Variants in LRRC74B observed in about 807,000 individuals in gnomAD.
LRRC74B encodes the protein leucine-rich repeat-containing protein 74B.
A neutral mutation model predicts 16.6 loss-of-function variants in LRRC74B; 30 were observed. The observed-to-expected ratio is 1.80, with a 90% CI of 1.35 to 2.45. The LOEUF is 2.45. Among genes scored for constraint, LRRC74B ranks in the 30% most tolerant of loss-of-function variants. LRRC74B has a pLI of 0.00. For synonymous variants in LRRC74B, 134 were observed against 86.0 expected, an observed-to-expected ratio of 1.56 and a Z score of -3.09; for missense variants, 326 against 202.4, an observed-to-expected ratio of 1.61 and a Z score of -3.71.
chr22:21,052,397 G>A (rs574477707), intron 5 of LRRC74B, 39 bp downstream of exon 5: 1 of 716,026 alleles, frequency 1.4e-6, no homozygotes, highest in Non-Finnish European at 2.6e-6. Flanking sequence ...CAGCCTGTCT[G>A]CTGGGGCCTG....
intron 6 of LRRC74B, 189 bp downstream of exon 6, chr22:21,053,664 C>T: frequency 5.8e-6 from 3 of 517,812 alleles, no homozygotes; most frequent in Non-Finnish European, 1.0e-5. Context: ...TGCTTTATTG[C>T]CCAGGGTAGA....
At chr22:21,054,831 G>T (rs1464885782) in intron 6 of LRRC74B, among the ~76,000 whole-genome samples, 1 of 152,220 alleles carries the variant, frequency 6.6e-6, no homozygotes, top group Non-Finnish European at 1.5e-5. Context: ...GAATATGTGG[G>T]AGCACTTGCA....
intron 7 of LRRC74B, among the ~76,000 whole-genome samples, 196 bp downstream of exon 7, chr22:21,055,372 ATCT>A (rs1313306442): frequency 1.5e-4 from 23 of 151,884 alleles, no homozygotes; most frequent in African/African-American, 5.1e-4. Flanking sequence ...TCTCTCCCAC[ATCT>A]TCTTGCTGCC....
exon 1 of LRRC74B, chr22:21,046,035 G>C: frequency 1.4e-6 from 1 of 717,524 alleles, no homozygotes. Context: ...GCAGAAAGAA[G>C]AGGCTATGGT....
intron 6 of LRRC74B, among the ~76,000 whole-genome samples, chr22:21,054,273 A>G (rs1255269908): frequency 6.6e-6 from 1 of 152,214 alleles, no homozygotes; most frequent in African/African-American, 2.4e-5. Flanking sequence ...TTCAGGCTGC[A>G]TTGCAACAGA....
chr22:21,052,383 C>T, intron 5 of LRRC74B, 25 bp downstream of exon 5: 1 of 717,002 alleles, frequency 1.4e-6, no homozygotes, highest in Middle Eastern at 2.4e-4. Flanking sequence ...CCTAGTCGGC[C>T]CTACAGCCTG....
intron 7 of LRRC74B, among the ~76,000 whole-genome samples, chr22:21,056,002 T>C (rs1356947376): frequency 6.6e-6 from 1 of 152,044 alleles, no homozygotes; most frequent in Non-Finnish European, 1.5e-5. Flanking sequence ...TGCCCCTCCC[T>C]TTTCCACACC....
At chr22:21,060,618 T>C (rs1930765786), downstream of LRRC74B, 2 of 630,352 alleles carry the variant, frequency 3.2e-6, no homozygotes, top group East Asian at 2.7e-5. Flanking sequence ...TTACCACTTG[T>C]GTCTGCACTG....
chr22:21,046,961 T>G (rs530433640), intron 1 of LRRC74B, among the ~76,000 whole-genome samples: 1 of 151,278 alleles, frequency 6.6e-6, no homozygotes, highest in East Asian at 2.0e-4. Context: ...AGTGTGGTGG[T>G]GGGCGCCTGT....
At chr22:21,055,881 T>A (rs1290217628) in intron 7 of LRRC74B, among the ~76,000 whole-genome samples, 1 of 152,104 alleles carries the variant, frequency 6.6e-6, no homozygotes, top group African/African-American at 2.4e-5. Context: ...CAAAGACACG[T>A]GGGAATGTGA....
chr22:21,060,205 C>G (rs1482053099), intron 8 of LRRC74B, among the ~76,000 whole-genome samples, 168 bp from the exon 9 acceptor site: 1 of 152,024 alleles, frequency 6.6e-6, no homozygotes. Context: ...AAACATCCCC[C>G]ATTGTCCCCT....
intron 8 of LRRC74B, among the ~76,000 whole-genome samples, chr22:21,060,086 C>A (rs1350435523): frequency 6.6e-6 from 1 of 152,100 alleles, no homozygotes. Context: ...GGATAGATAG[C>A]TTGAGTCCAG....
intron 3 of LRRC74B, 181 bp downstream of exon 3, chr22:21,048,197 G>C: frequency 1.7e-6 from 1 of 596,086 alleles, no homozygotes; most frequent in Non-Finnish European, 3.0e-6. Flanking sequence ...CTGTGCAGCC[G>C]ATGCCTGATA....
At chr22:21,051,416 G>GC (rs1171090332) in intron 4 of LRRC74B, among the ~76,000 whole-genome samples, 8 of 152,118 alleles carry the variant, frequency 5.3e-5, no homozygotes, top group Non-Finnish European at 8.8e-5. Flanking sequence ...AAATCCTTCT[G>GC]CCTCAGCCTC....
At chr22:21,052,966 A>G (rs1244078267) in intron 5 of LRRC74B, among the ~76,000 whole-genome samples, 5 of 152,156 alleles carry the variant, frequency 3.3e-5, no homozygotes, top group Admixed American at 2.0e-4. Flanking sequence ...TCCCCATCAC[A>G]GTACGCTGGA....
exon 2 of LRRC74B, chr22:21,047,392 T>C (rs1020776862): frequency 4.2e-6 from 3 of 717,332 alleles, no homozygotes; most frequent in Non-Finnish European, 5.2e-6. Context: ...AGGGACACAC[T>C]GTACCTGAGG....
rs9625439 is a variant in LRRC74B, at chr22:21,058,534, A to C, written c.1023+1334A>C. On this transcript the variant is annotated intron_variant, in intron 8 of 8. Transcript: ENST00000442047. ...GTCTCAAAAAAAAAGGGAAGGAAAC[A>C]AAAAAAATTGAGTTACAAATCAGTG... Among the ~76,000 whole-genome samples the C allele has an allele frequency of 7.2e-3, 1,100 of 151,942 alleles. 17 individuals carry two copies. The highest frequency in any genetic ancestry group is 0.025 in the African/African-American group (1,045 of 41,368).
At position 21,047,396 on chromosome 22, in the gene LRRC74B, C is replaced by G; in HGVS notation, c.180C>G (p.Tyr60Ter). The G allele has an allele frequency of 1.4e-6, 1 of 717,506 alleles. No homozygotes were observed. The highest frequency in any genetic ancestry group is 2.6e-6 in the Non-Finnish European group (1 of 385,094). 44.4% of individuals were successfully genotyped at this position (717,506 alleles called of 1,614,324 possible). ...GAGAACTGGTCAGGGACACACTGTA[C>G]CTGAGGTCTTGCCGGGCCCATAGTG... Residue 60 changes from tyrosine to a stop codon, truncating the protein, a stop_gained, in exon 2 of 9, where the codon TAC (tyrosine) becomes TAG (stop). Transcript: ENST00000442047. LOFTEE classifies it high-confidence loss of function.
At chr22:21,046,957 G>A (rs989787698) in intron 1 of LRRC74B, among the ~76,000 whole-genome samples, 2 of 151,938 alleles carry the variant, frequency 1.3e-5, no homozygotes, top group Non-Finnish European at 2.9e-5. Flanking sequence ...GCCCAGTGTG[G>A]TGGTGGGCGC....
Sources: gnomAD v4.1 joint callset for allele counts (sites outside exome capture counted in the v4.1 genomes callset) on GRCh38, gnomAD v4.1.1 for gene constraint, MANE v1.5 for transcripts, NCBI Gene and HGNC (gene_info 2026-07-23, HGNC 2026-07-21) for gene names.